Variants in RBMS1 observed in about 807,000 individuals in gnomAD.
RBMS1 encodes the protein RNA binding motif single stranded interacting protein 1.
Under a neutral mutation model 62.3 loss-of-function variants are expected in RBMS1, and 17 were observed. The observed-to-expected ratio is 0.27, with a 90% CI of 0.19 to 0.41. The LOEUF is 0.41. Ranked by LOEUF, RBMS1 falls within the 10% of genes least tolerant of loss-of-function variation. The probability of loss-of-function intolerance (pLI) is 1.00; values close to 1 mark genes in which losing one functional copy is unlikely to be tolerated. For synonymous variants in RBMS1, 172 were observed against 170.0 expected (o/e 1.01, Z -0.09); for missense variants, 334 against 504.5 (o/e 0.66, Z 3.24).
intron 1 of RBMS1, among the ~76,000 whole-genome samples, chr2:160,448,257 T>C (rs1271124972): frequency 6.6e-6 from 1 of 152,108 alleles, no homozygotes; most frequent in African/African-American, 2.4e-5. Context: ...ACCTGACTAC[T>C]TGGGGATTTG....
intron 1 of RBMS1, among the ~76,000 whole-genome samples, chr2:160,394,149 T>C (rs1237094978): frequency 6.6e-6 from 1 of 152,150 alleles, no homozygotes; most frequent in Non-Finnish European, 1.5e-5. Context: ...AACCTTAATA[T>C]AGATTTTTTT....
At chr2:160,459,072 A>T (rs1684362890) in intron 1 of RBMS1, among the ~76,000 whole-genome samples, 1 of 152,218 alleles carries the variant, frequency 6.6e-6, no homozygotes, top group Non-Finnish European at 1.5e-5. Context: ...CCCATCATAC[A>T]GTCTAATCAT....
intron 10 of RBMS1, among the ~76,000 whole-genome samples, chr2:160,280,520 C>T (rs1447555556): frequency 1.3e-5 from 2 of 152,124 alleles, no homozygotes; most frequent in East Asian, 3.8e-4. Flanking sequence ...GAACATAAGG[C>T]CAAGAATACA....
chr2:160,473,605 A>C (rs146993183), intron 1 of RBMS1, among the ~76,000 whole-genome samples: 41 of 152,350 alleles, frequency 2.7e-4, no homozygotes, highest in Non-Finnish European at 3.8e-4. Context: ...CATTGTTTAT[A>C]CATTCCAGAC....
chr2:160,410,580 G>C (rs1157454139), intron 1 of RBMS1, among the ~76,000 whole-genome samples: 1 of 152,170 alleles, frequency 6.6e-6, no homozygotes. Flanking sequence ...GTGCTTAGTT[G>C]TAAGAGTGAT....
intron 1 of RBMS1, among the ~76,000 whole-genome samples, chr2:160,492,172 C>A (rs1685860313): frequency 6.6e-6 from 1 of 152,134 alleles, no homozygotes; most frequent in Admixed American, 6.5e-5. Flanking sequence ...GCATCCATAC[C>A]TGATTCTTTT....
intron 2 of RBMS1, among the ~76,000 whole-genome samples, chr2:160,360,536 T>A (rs1042121447): frequency 6.6e-6 from 1 of 152,194 alleles, no homozygotes; most frequent in Non-Finnish European, 1.5e-5. Context: ...CATATTCCTT[T>A]ACACCCACTG....
At chr2:160,464,466 T>C (rs564349231) in intron 1 of RBMS1, among the ~76,000 whole-genome samples, 106 of 152,250 alleles carry the variant, frequency 7.0e-4, no homozygotes, top group Non-Finnish European at 1.4e-3. Context: ...GTAGGAAAAG[T>C]GTGCATATTA....
chr2:160,412,167 C>T (rs1696062954), intron 1 of RBMS1, among the ~76,000 whole-genome samples: 1 of 152,190 alleles, frequency 6.6e-6, no homozygotes, highest in East Asian at 1.9e-4. Context: ...CCAGTACATG[C>T]AGAAGCCTGC....
At chr2:160,429,965 G>A (rs1005665210) in intron 1 of RBMS1, among the ~76,000 whole-genome samples, 13 of 152,230 alleles carry the variant, frequency 8.5e-5, no homozygotes, top group Admixed American at 2.6e-4. Flanking sequence ...CAATCACCCT[G>A]TAAAGAAATC....
At chr2:160,307,574 G>C (rs968325796) in intron 4 of RBMS1, among the ~76,000 whole-genome samples, 2 of 152,160 alleles carry the variant, frequency 1.3e-5, no homozygotes, top group African/African-American at 4.8e-5. Flanking sequence ...TTATTTGAAA[G>C]ATGTACACAT....
chr2:160,448,528 G>T (rs1451482391), intron 1 of RBMS1, among the ~76,000 whole-genome samples: 1 of 152,240 alleles, frequency 6.6e-6, no homozygotes, highest in African/African-American at 2.4e-5. Flanking sequence ...GCTCCTGACC[G>T]CGAGTAATCT....
intron 1 of RBMS1, among the ~76,000 whole-genome samples, chr2:160,395,227 G>A (rs1695072666): frequency 1.3e-5 from 2 of 152,318 alleles, no homozygotes; most frequent in South Asian, 4.1e-4. Flanking sequence ...TGTAAAATGA[G>A]TATTTTAATT....
At chr2:160,308,228 T>C (rs1689651864) in intron 4 of RBMS1, among the ~76,000 whole-genome samples, 1 of 151,922 alleles carries the variant, frequency 6.6e-6, no homozygotes. Context: ...ACCTGGTCTC[T>C]GCAAAAAAAT....
intron 1 of RBMS1, among the ~76,000 whole-genome samples, chr2:160,439,311 G>C (rs1020156034): frequency 1.4e-5 from 2 of 142,296 alleles, no homozygotes; most frequent in African/African-American, 5.0e-5. Flanking sequence ...GGCGGCTGCC[G>C]GGCGGAAGGG....
rs1430657770 is a variant in RBMS1 at position 160,409,247 on chromosome 2, T to TA, written c.76-41857dup. On this transcript the variant is annotated intron_variant, in intron 1 of 13. Coordinates refer to ENST00000348849, the MANE Select transcript of RBMS1 (RefSeq NM_016836.4). ...GCCTCACCTATTATAAATAACCGTA[T>TA]AAAACACACATGTAATTCCTGATTC... is the stretch of plus-strand genomic sequence containing the variant. Among the ~76,000 whole-genome samples, 6 of 147,606 alleles carry TA rather than the reference T, an allele frequency of 4.1e-5. No homozygotes were observed. The East Asian group carries it at 9.9e-4, about 24-fold the overall frequency.
intron 1 of RBMS1, among the ~76,000 whole-genome samples, chr2:160,470,134 A>G (rs908210135): frequency 2.0e-4 from 30 of 152,172 alleles, no homozygotes; most frequent in Admixed American, 6.5e-5. Flanking sequence ...ACACTCCCCA[A>G]TATTATTCTA....
chr2:160,416,770 T>A (rs1450606512), intron 1 of RBMS1, among the ~76,000 whole-genome samples: 2 of 152,192 alleles, frequency 1.3e-5, no homozygotes, highest in Non-Finnish European at 2.9e-5. Context: ...CTTTCAGTAA[T>A]TGAATGAATG....
chr2:160,374,970 T>A (rs1693919861), intron 1 of RBMS1, among the ~76,000 whole-genome samples: 1 of 151,902 alleles, frequency 6.6e-6, no homozygotes, highest in South Asian at 2.1e-4. Context: ...AACGGAAAAG[T>A]TAGAATATCC....
Sources: allele counts gnomAD v4.1 joint callset (sites outside exome capture counted in the v4.1 genomes callset), GRCh38; gene constraint gnomAD v4.1.1; transcripts MANE v1.5; gene names NCBI Gene and HGNC (gene_info 2026-07-23, HGNC 2026-07-21).